The following GRM8 variants were observed in gnomAD, a reference collection of about 807,000 sequenced individuals.
GRM8 encodes metabotropic glutamate receptor 8.
A neutral mutation model predicts 87.2 loss-of-function variants in GRM8; 47 were observed. The observed-to-expected ratio is 0.54, with a 90% confidence interval of 0.43 to 0.69. The LOEUF is 0.69. GRM8 is among the 30% of genes least tolerant of loss of function. The pLI is 0.00. For synonymous variants in GRM8, 396 were observed against 404.5 expected (o/e 0.98, Z 0.25); for missense variants, 1,019 against 1,139.2 (o/e 0.89, Z 1.52).
intron 2 of GRM8, among the ~76,000 whole-genome samples, chr7:127,183,056 T>C (rs544273822): frequency 3.0e-4 from 46 of 151,810 alleles, no homozygotes; most frequent in African/African-American, 1.0e-3. Flanking sequence ...AAAATTAAAA[T>C]AAATAAATAA....
At chr7:127,150,309 G>A (rs1245658237) in intron 2 of GRM8, among the ~76,000 whole-genome samples, 1 of 152,060 alleles carries the variant, frequency 6.6e-6, no homozygotes, top group Non-Finnish European at 1.5e-5. Flanking sequence ...TGCAATGGCA[G>A]GGACTTCAAA....
intron 2 of GRM8, among the ~76,000 whole-genome samples, chr7:127,221,215 G>T: frequency 6.6e-6 from 1 of 152,214 alleles, no homozygotes. Flanking sequence ...ATGTAAGGCA[G>T]AGAGGCTGAA....
At chr7:126,501,560 C>A (rs1761247691) in intron 9 of GRM8, among the ~76,000 whole-genome samples, 1 of 151,934 alleles carries the variant, frequency 6.6e-6, no homozygotes, top group Non-Finnish European at 1.5e-5. Flanking sequence ...GCTGACAGGT[C>A]AGCAACAGTG....
chr7:126,524,339 A>T (rs962765275), intron 9 of GRM8, among the ~76,000 whole-genome samples: 4 of 152,236 alleles, frequency 2.6e-5, no homozygotes, highest in Non-Finnish European at 5.9e-5. Context: ...GGTTGGCTAT[A>T]GAATTTTAAG....
chr7:126,956,510 G>A (rs1204571), intron 3 of GRM8, among the ~76,000 whole-genome samples: 59,057 of 151,874 alleles, frequency 0.39, 11,738 homozygotes, highest in East Asian at 0.66. Flanking sequence ...TATACTTTAA[G>A]TTTTAGGGTA....
chr7:126,804,913 GCACCCTC>G (rs1375477756), intron 6 of GRM8, among the ~76,000 whole-genome samples: 2 of 152,074 alleles, frequency 1.3e-5, no homozygotes, highest in Admixed American at 1.3e-4. Flanking sequence ...ACCAGAAACT[GCACCCTC>G]CCCTCCAAAT....
chr7:126,592,808 G>A (rs1237933179), intron 8 of GRM8, among the ~76,000 whole-genome samples: 7 of 151,782 alleles, frequency 4.6e-5, no homozygotes, highest in Admixed American at 6.6e-5. Context: ...CATAGTCAAA[G>A]CAATAGGCAA....
At chr7:126,821,616 C>T (rs1389400933) in intron 6 of GRM8, among the ~76,000 whole-genome samples, 1 of 152,172 alleles carries the variant, frequency 6.6e-6, no homozygotes, top group Non-Finnish European at 1.5e-5. Context: ...AGCCATCCCC[C>T]ATCACTCTCC....
rs950710478 is a variant in GRM8 at position 127,112,872 on chromosome 7, C to T, written c.511-6160G>A. On this transcript the variant is annotated intron_variant, in intron 2 of 10. Transcript: ENST00000339582. ...TGACAGCCCACGGACTTCAATGTGTCATTAAAGAATAAAAATTACATTTCT... is the reference window on the plus strand; with the variant it reads ...TGACAGCCCACGGACTTCAATGTGTTATTAAAGAATAAAAATTACATTTCT... Among the ~76,000 whole-genome samples the T allele has an allele frequency of 3.2e-4, 49 of 152,242 alleles. 1 individual carries two copies. The highest frequency in any genetic ancestry group is 1.2e-3 in the African/African-American group (48 of 41,466).
chr7:126,488,434 A>G (rs900968264), intron 9 of GRM8, among the ~76,000 whole-genome samples: 5 of 152,038 alleles, frequency 3.3e-5, no homozygotes, highest in Non-Finnish European at 7.4e-5. Context: ...ACTCAGGAAA[A>G]TGTTATGCTA....
chr7:126,824,512 G>T (rs781535044), intron 6 of GRM8, among the ~76,000 whole-genome samples: 1 of 152,188 alleles, frequency 6.6e-6, no homozygotes, highest in Non-Finnish European at 1.5e-5. Flanking sequence ...CTTGTGAGTG[G>T]AGAAGAGGGT....
At chr7:127,046,912 G>A (rs1034659109) in intron 3 of GRM8, among the ~76,000 whole-genome samples, 8 of 151,828 alleles carry the variant, frequency 5.3e-5, no homozygotes, top group African/African-American at 1.9e-4. Context: ...TATGTTTGCT[G>A]TCATTTTTCG....
intron 1 of GRM8, among the ~76,000 whole-genome samples, chr7:127,243,962 T>C (rs1798447819): frequency 6.6e-6 from 1 of 152,290 alleles, no homozygotes; most frequent in African/African-American, 2.4e-5. Context: ...AATGACTTTT[T>C]TTTTAGTGCC....
intron 3 of GRM8, among the ~76,000 whole-genome samples, chr7:126,921,796 C>T (rs1294488900): frequency 6.6e-6 from 1 of 152,066 alleles, no homozygotes; most frequent in East Asian, 1.9e-4. Context: ...ATTTACCTTC[C>T]ATGCATACCT....
intron 2 of GRM8, among the ~76,000 whole-genome samples, chr7:127,135,812 G>A (rs1446418365): frequency 6.6e-6 from 1 of 152,052 alleles, no homozygotes; most frequent in African/African-American, 2.4e-5. Flanking sequence ...CTCCAAGGAG[G>A]TTGTTGATTT....
chr7:126,613,591 C>T (rs961720220), intron 7 of GRM8, among the ~76,000 whole-genome samples: 11 of 152,308 alleles, frequency 7.2e-5, no homozygotes, highest in East Asian at 5.8e-4. Context: ...TCGCCTCACC[C>T]GGAAAGTGCA....
chr7:126,685,733 G>T lies in GRM8; in HGVS notation c.1358-76235C>A, dbSNP rs1034271433. Among the ~76,000 whole-genome samples, 12 of 152,100 alleles carry T rather than the reference G, an allele frequency of 7.9e-5. No homozygotes were observed. Among genetic ancestry groups the T allele is most frequent in the African/African-American group, 2.9e-4 (12 of 41,448 alleles). On this transcript the variant is annotated intron_variant, in intron 7 of 10. Coordinates refer to ENST00000339582, the MANE Select transcript of GRM8 (RefSeq NM_000845.3). The surrounding 1 kb of genome is among the most constrained non-coding windows in gnomAD (Gnocchi z 4.2). Reference sequence around the variant, plus strand: ...GCACAAGGGGTGCTGAGGACAGCGGGGTACTGGCCTGCAGGCGCCCCTTGG... The same window carrying T: ...GCACAAGGGGTGCTGAGGACAGCGGTGTACTGGCCTGCAGGCGCCCCTTGG...
At chr7:127,031,892 G>T (rs1817409169) in intron 3 of GRM8, among the ~76,000 whole-genome samples, 1 of 152,070 alleles carries the variant, frequency 6.6e-6, no homozygotes, top group Admixed American at 6.6e-5. Flanking sequence ...TACCTAAGAA[G>T]TTCTACATCT....
At chr7:126,663,627 CA>C (rs1468455588) in intron 7 of GRM8, among the ~76,000 whole-genome samples, 1 of 152,012 alleles carries the variant, frequency 6.6e-6, no homozygotes, top group Non-Finnish European at 1.5e-5. Context: ...AACTAGGCAT[CA>C]AAAGAACATA....
Sources: gnomAD v4.1 joint callset for allele counts (sites outside exome capture counted in the v4.1 genomes callset) on GRCh38, gnomAD v4.1.1 for gene constraint, Gnocchi (gnomAD v3.1) non-coding constraint, MANE v1.5 for transcripts, NCBI Gene and HGNC (gene_info 2026-07-23, HGNC 2026-07-21) for gene names.